The following NOS1AP variants were observed in gnomAD, a reference collection of about 807,000 sequenced individuals.
NOS1AP encodes the protein nitric oxide synthase 1 adaptor protein.
NOS1AP carries 21 observed loss-of-function variants against 56.2 expected under a neutral mutation model. The observed-to-expected ratio is 0.37, with a 90% CI of 0.26 to 0.54. NOS1AP has a LOEUF of 0.54. Among genes scored for constraint, NOS1AP ranks in the 20% least tolerant of loss-of-function variants. The pLI, the probability that NOS1AP is intolerant of heterozygous loss-of-function variation, is 0.84. For missense variants in NOS1AP, 522 were observed against 657.8 expected (o/e 0.79, Z 2.26); for synonymous variants, 270 against 274.6 (o/e 0.98, Z 0.17).
In NOS1AP at chr1:162,278,603, G is replaced by A. The variant is rs1261533545; in HGVS notation, c.178-8741G>A. Among the ~76,000 whole-genome samples, 3 of 151,846 alleles carry A rather than the reference G, an allele frequency of 2.0e-5. No homozygotes were observed. The East Asian group carries it at 5.8e-4, about 29-fold the overall frequency. ...TCATACCCACTTTTGGTCTGAGGCA[G>A]AAAACCGTAAATCCTTGATTCATGA... On this transcript the variant is annotated intron_variant, in intron 2 of 9. Coordinates refer to ENST00000361897, the MANE Select transcript of NOS1AP (RefSeq NM_014697.3).
chr1:162,359,541 G>A (rs543712845), intron 8 of NOS1AP, among the ~76,000 whole-genome samples: 24 of 152,268 alleles, frequency 1.6e-4, no homozygotes, highest in African/African-American at 3.4e-4. Context: ...AGGTTTCTCC[G>A]CACACTGTTC....
chr1:162,081,774 A>ATATATATATTTTTTTTTTTT lies in NOS1AP; in HGVS notation c.105+11493_105+11494insATATATATTTTTTTTTTTTT. On this transcript the variant is annotated intron_variant, in intron 1 of 9. Transcript: ENST00000361897. ...TCTATAGATATATATATATATATAT[A>ATATATATATTTTTTTTTTTT]TTTTTTTTTTGTAGAGATGGGTTTT... is the stretch of plus-strand genomic sequence containing the variant. Among the ~76,000 whole-genome samples, 65 of 44,014 alleles carry ATATATATATTTTTTTTTTTT rather than the reference A, an allele frequency of 1.5e-3. 1 individual carries two copies. Among genetic ancestry groups the ATATATATATTTTTTTTTTTT allele is most frequent in the Middle Eastern group, 0.012 (1 of 86 alleles). The allele number at this position is 44,014 out of a possible 152,430, so 28.9% of individuals were successfully genotyped here. A position where few individuals can be genotyped will look rare whatever the true frequency, so the allele number is the denominator to read the frequency against.
chr1:162,227,345 C>T (rs1571143917), intron 2 of NOS1AP, among the ~76,000 whole-genome samples: 2 of 152,190 alleles, frequency 1.3e-5, no homozygotes, highest in Admixed American at 1.3e-4. Context: ...ATTATTTCTT[C>T]TGTTCCAAAC....
At chr1:162,222,538 G>GT (rs1385111943) in intron 2 of NOS1AP, among the ~76,000 whole-genome samples, 4 of 151,976 alleles carry the variant, frequency 2.6e-5, no homozygotes, top group African/African-American at 4.8e-5. Flanking sequence ...ATCAAGCAGA[G>GT]TTTTTTTTGT....
chr1:162,149,523 CTT>C (rs775053391), intron 1 of NOS1AP, among the ~76,000 whole-genome samples: 11 of 152,228 alleles, frequency 7.2e-5, no homozygotes, highest in Non-Finnish European at 1.5e-4. Flanking sequence ...TCAAGGTACT[CTT>C]TGTTGTGGTG....
chr1:162,088,406 C>T (rs1692050336), intron 1 of NOS1AP, among the ~76,000 whole-genome samples: 1 of 152,132 alleles, frequency 6.6e-6, no homozygotes, highest in Non-Finnish European at 1.5e-5. Context: ...ATTTTAAAAG[C>T]TCCCAGGTGA....
At chr1:162,145,995 C>T (rs1177617101) in intron 1 of NOS1AP, among the ~76,000 whole-genome samples, 2 of 152,128 alleles carry the variant, frequency 1.3e-5, no homozygotes, top group Non-Finnish European at 2.9e-5. Flanking sequence ...CCTCACTGTC[C>T]TCTGTAAAAG....
chr1:162,239,719 A>G (rs1653421967), intron 2 of NOS1AP, among the ~76,000 whole-genome samples: 1 of 152,194 alleles, frequency 6.6e-6, no homozygotes, highest in Non-Finnish European at 1.5e-5. Flanking sequence ...CAGATGGGCT[A>G]ACAGAGGCCA....
At chr1:162,167,013 G>A in intron 2 of NOS1AP, among the ~76,000 whole-genome samples, 1 of 152,184 alleles carries the variant, frequency 6.6e-6, no homozygotes, top group East Asian at 1.9e-4. Context: ...CTGCCTCTGG[G>A]TATTCTGTTC....
chr1:162,229,155 G>A (rs1432109498), intron 2 of NOS1AP, among the ~76,000 whole-genome samples: 2 of 152,206 alleles, frequency 1.3e-5, no homozygotes, highest in Non-Finnish European at 2.9e-5. Flanking sequence ...GGCTCTTTAG[G>A]ACTGTTCTAG....
chr1:162,223,882 G>A (rs1028068692), intron 2 of NOS1AP, among the ~76,000 whole-genome samples: 1 of 152,150 alleles, frequency 6.6e-6, no homozygotes, highest in Admixed American at 6.5e-5. Flanking sequence ...AAATATATAT[G>A]TGCATATGTA....
chr1:162,112,230 C>T lies in NOS1AP; in HGVS notation c.105+41948C>T, dbSNP rs139714796. Among the ~76,000 whole-genome samples the T allele has an allele frequency of 2.1e-3, 314 of 152,264 alleles. 2 individuals are homozygous for T. The highest frequency in any genetic ancestry group is 6.9e-3 in the African/African-American group (288 of 41,544). On this transcript the variant is annotated intron_variant, in intron 1 of 9. Transcript: ENST00000361897. ...ATGGTTGGGAACTAGTTGTATTCTCCGAAGACTTGCTGTACTTTAACATTT... is the reference window on the plus strand; with the variant it reads ...ATGGTTGGGAACTAGTTGTATTCTCTGAAGACTTGCTGTACTTTAACATTT...
intron 1 of NOS1AP, among the ~76,000 whole-genome samples, chr1:162,152,040 T>C (rs926502046): frequency 3.3e-5 from 5 of 152,186 alleles, no homozygotes; most frequent in African/African-American, 1.2e-4. Flanking sequence ...AAGCTGCCTC[T>C]TCTCTCCACC....
intron 3 of NOS1AP, among the ~76,000 whole-genome samples, chr1:162,292,661 T>C (rs1300146150): frequency 1.3e-5 from 2 of 152,206 alleles, no homozygotes; most frequent in African/African-American, 4.8e-5. Flanking sequence ...CTTTGGATAA[T>C]AATCACTCCA....
intron 3 of NOS1AP, among the ~76,000 whole-genome samples, chr1:162,287,997 T>TGGGCAGGGGGCAGG (rs1655146876): frequency 6.6e-6 from 1 of 152,100 alleles, no homozygotes. Flanking sequence ...GTCGGGAGGA[T>TGGGCAGGGGGCAGG]GGGCAGGGGG....
At chr1:162,163,254 TA>T (rs1323368524) in intron 2 of NOS1AP, among the ~76,000 whole-genome samples, 1 of 152,162 alleles carries the variant, frequency 6.6e-6, no homozygotes, top group Non-Finnish European at 1.5e-5. Context: ...CAGACTTTAT[TA>T]AATTTTAGAA....
intron 2 of NOS1AP, among the ~76,000 whole-genome samples, chr1:162,283,460 T>C (rs1654996893): frequency 6.6e-6 from 1 of 152,140 alleles, no homozygotes; most frequent in African/African-American, 2.4e-5. Flanking sequence ...AGGAGGCAGT[T>C]TGGGAAGTTG....
chr1:162,340,105 A>G (rs1657062711), intron 5 of NOS1AP, among the ~76,000 whole-genome samples: 1 of 152,196 alleles, frequency 6.6e-6, no homozygotes, highest in South Asian at 2.1e-4. Context: ...AAACAGTTAG[A>G]GTAGCTTGAT....
chr1:162,148,144 A>G (rs1453916832), intron 1 of NOS1AP, among the ~76,000 whole-genome samples: 1 of 152,228 alleles, frequency 6.6e-6, no homozygotes, highest in Non-Finnish European at 1.5e-5. Context: ...GAGGGCTGGA[A>G]GGAGCAGGCT....
Sources: allele counts gnomAD v4.1 joint callset (sites outside exome capture counted in the v4.1 genomes callset), GRCh38; gene constraint gnomAD v4.1.1; transcripts MANE v1.5; gene names NCBI Gene and HGNC (gene_info 2026-07-23, HGNC 2026-07-21).